PCDHA12: variants seen among roughly 807,000 people sequenced by gnomAD.
PCDHA12 encodes protocadherin alpha-12.
A neutral mutation model predicts 60.0 loss-of-function variants in PCDHA12; 44 were observed. That is an observed-to-expected ratio of 0.73 (90% CI 0.58 to 0.94). PCDHA12 has a LOEUF of 0.94. PCDHA12 is among the 40% of genes least tolerant of loss of function. The pLI is 0.00. For synonymous variants in PCDHA12, 569 were observed against 553.0 expected, an observed-to-expected ratio of 1.03 and a Z score of -0.40; for missense variants, 1,276 against 1,239.7, an observed-to-expected ratio of 1.03 and a Z score of -0.44.
At chr5:140,927,236 T>A in intron 1 of PCDHA12, 3 of 1,614,120 alleles carry the variant, frequency 1.9e-6, no homozygotes, top group Non-Finnish European at 2.5e-6. Context: ...ATTCACGTCC[T>A]GGACACCAAT....
At chr5:140,928,690 A>G in intron 1 of PCDHA12, 3 of 1,614,180 alleles carry the variant, frequency 1.9e-6, no homozygotes, top group Non-Finnish European at 2.5e-6. Flanking sequence ...TTCCTACCAC[A>G]TCTCCCGGGC....
rs1335716065 is a variant in PCDHA12 at position 140,875,555 on chromosome 5, G to A, written c.83G>A (p.Ser28Asn). The change falls in exon 1 of 4, where the codon AGC becomes AAC. Residue 28 changes from serine to asparagine, a missense_variant. Coordinates refer to ENST00000398631, the MANE Select transcript of PCDHA12 (RefSeq NM_018903.4). ...CTCCTTGCAGCCTGGGAGGTGGGGA[G>A]CGGCCAGCTCCACTACTCCGTCTAC... is the stretch of plus-strand genomic sequence containing the variant. ...LLLLAAWEVG[S>N]GQLHYSVYEE... 5 of 1,614,018 alleles carry A rather than the reference G, an allele frequency of 3.1e-6. No individual in the cohort carries two copies. In the East Asian group the frequency reaches 6.7e-5, roughly 22 times the overall value.
intron 3 of PCDHA12, among the ~76,000 whole-genome samples, chr5:140,985,795 A>G (rs2097171299): frequency 7.3e-6 from 1 of 136,386 alleles, no homozygotes; most frequent in African/African-American, 2.8e-5. Context: ...GCTGGAGTGC[A>G]GTGGCACGAT....
intron 1 of PCDHA12, chr5:140,883,877 G>A: frequency 1.2e-6 from 2 of 1,613,254 alleles, no homozygotes; most frequent in Non-Finnish European, 1.7e-6. Flanking sequence ...CCAGGTGAGC[G>A]CGCGCGACTC....
intron 1 of PCDHA12, among the ~76,000 whole-genome samples, chr5:140,932,720 G>A (rs868927369): frequency 6.6e-5 from 10 of 151,848 alleles, no homozygotes; most frequent in Non-Finnish European, 1.5e-5. Flanking sequence ...CAATAATATT[G>A]TATAATATAG....
At chr5:140,920,636 G>C (rs1477753704) in intron 1 of PCDHA12, among the ~76,000 whole-genome samples, 1 of 152,096 alleles carries the variant, frequency 6.6e-6, no homozygotes, top group Non-Finnish European at 1.5e-5. Context: ...ACAAGGTCAA[G>C]AGATTGAGAC....
Position 141,000,421 on chromosome 5 carries a change from A to ATTTTTTT in PCDHA12, c.2516-9189_2516-9183dup, listed in dbSNP as rs34755515. Among the ~76,000 whole-genome samples the ATTTTTTT allele has an allele frequency of 5.7e-4, 16 of 27,980 alleles. 1 individual carries two copies. Among genetic ancestry groups the ATTTTTTT allele is most frequent in the African/African-American group, 8.9e-4 (5 of 5,638 alleles). 18.4% of individuals were successfully genotyped at this position (27,980 alleles called of 152,430 possible). ...TATATATATATATATATATATATAT[A>ATTTTTTT]TTTTTTTTTTTTTTTTTTTTTTTGA... On this transcript the variant is annotated intron_variant, in intron 3 of 3. Coordinates refer to ENST00000398631, the MANE Select transcript of PCDHA12 (RefSeq NM_018903.4).
chr5:140,904,873 G>C (rs1309196167), intron 1 of PCDHA12, among the ~76,000 whole-genome samples: 1 of 151,932 alleles, frequency 6.6e-6, no homozygotes, highest in Non-Finnish European at 1.5e-5. Flanking sequence ...TATGTCCTTA[G>C]CTCACTTTTT....
At chr5:140,969,608 CAG>C in intron 1 of PCDHA12, 1 of 747,330 alleles carries the variant, frequency 1.3e-6, no homozygotes, top group South Asian at 2.1e-5. Flanking sequence ...TGCTAAAACA[CAG>C]ATTTGTAGAG....
intron 3 of PCDHA12, among the ~76,000 whole-genome samples, chr5:141,007,393 TAC>T (rs2098323171): frequency 8.5e-5 from 2 of 23,408 alleles, no homozygotes; most frequent in East Asian, 1.4e-3. Flanking sequence ...TCTACTAAAA[TAC>T]AAAAAAAAAA....
chr5:140,943,657 C>T (rs531235288), intron 1 of PCDHA12, among the ~76,000 whole-genome samples: 51 of 151,756 alleles, frequency 3.4e-4, no homozygotes, highest in African/African-American at 1.2e-3. Flanking sequence ...CATCTATGAA[C>T]AATGTATAAA....
intron 1 of PCDHA12, among the ~76,000 whole-genome samples, chr5:140,880,163 AGAAGTTAAACAT>A (rs2058253523): frequency 6.6e-6 from 1 of 152,260 alleles, no homozygotes; most frequent in Admixed American, 6.5e-5. Flanking sequence ...AGTATATGTT[AGAAGTTAAACAT>A]GAAGGGAAAA....
intron 1 of PCDHA12, among the ~76,000 whole-genome samples, chr5:140,885,900 C>G (rs1387318205): frequency 6.6e-6 from 1 of 152,120 alleles, no homozygotes; most frequent in Non-Finnish European, 1.5e-5. Flanking sequence ...GAAAAGTTCT[C>G]TGTACCTTAT....
chr5:140,959,078 A>C (rs1489301308), intron 1 of PCDHA12, among the ~76,000 whole-genome samples: 1 of 152,128 alleles, frequency 6.6e-6, no homozygotes, highest in Non-Finnish European at 1.5e-5. Flanking sequence ...ATTCAGTATT[A>C]TCCTTGGTTT....
chr5:140,944,133 G>C (rs1051812384), intron 1 of PCDHA12, among the ~76,000 whole-genome samples: 2 of 152,134 alleles, frequency 1.3e-5, no homozygotes, highest in Non-Finnish European at 2.9e-5. Context: ...AGAAAAGGTT[G>C]AAGATTAGAA....
Position 140,883,704 on chromosome 5 carries a change from C to A in PCDHA12, c.2367+5865C>A, listed in dbSNP as rs782488934. The A allele has an allele frequency of 1.9e-5, 31 of 1,613,628 alleles. 1 individual carries two copies. In the Middle Eastern group the frequency reaches 5.0e-4, roughly 26 times the overall value. ...GGCTGCCACATCTTCACGGTGTCTG[C>A]TCAGGACGCGGACGCACAGGAGAAC... On this transcript the variant is annotated intron_variant, in intron 1 of 3. Transcript: ENST00000398631.
In PCDHA12 at chr5:140,924,907, AAAATAAAAT is replaced by A. The variant is rs1563068988; in HGVS notation, c.2367+47072_2367+47080del. 7.1e-4 allele frequency among the ~76,000 whole-genome samples: 36 copies of A among 50,968 alleles called. 1 individual carries two copies. The highest frequency in any genetic ancestry group is 1.7e-3 in the African/African-American group (12 of 7,266). The allele number at this position is 50,968 out of a possible 152,430, so 33.4% of individuals were successfully genotyped here. ...AAGAACCTGTCTCAAAAAAAAAAAT[AAAATAAAAT>A]AAAATAAAATAAAATAAAATAAAAA... On this transcript the variant is annotated intron_variant, in intron 1 of 3. Transcript: ENST00000398631.
chr5:140,931,578 C>T (rs2087609680), intron 1 of PCDHA12, among the ~76,000 whole-genome samples: 1 of 152,008 alleles, frequency 6.6e-6, no homozygotes, highest in South Asian at 2.1e-4. Flanking sequence ...CCCATTCATT[C>T]AGTTGAACAG....
intron 1 of PCDHA12, chr5:140,927,103 C>T: frequency 6.2e-7 from 1 of 1,613,768 alleles, no homozygotes; most frequent in Non-Finnish European, 8.5e-7. Flanking sequence ...GGTGGATCTA[C>T]CCAGCGGCAA....
Sources: gnomAD v4.1 joint callset for allele counts (sites outside exome capture counted in the v4.1 genomes callset) on GRCh38, gnomAD v4.1.1 for gene constraint, MANE v1.5 for transcripts, NCBI Gene and HGNC (gene_info 2026-07-23, HGNC 2026-07-21) for gene names.